Variants in CCDC150 observed in about 807,000 individuals in gnomAD.
CCDC150 encodes coiled-coil domain containing 150.
A neutral mutation model predicts 156.5 loss-of-function variants in CCDC150; 151 were observed. The observed-to-expected ratio is 0.97, with a 90% CI of 0.85 to 1.10. The LOEUF is 1.10. Ranked by LOEUF, CCDC150 falls within the 50% of genes least tolerant of loss-of-function variation. The pLI is 0.00. For missense variants in CCDC150, 1,312 were observed against 1,268.1 expected (o/e 1.03, Z -0.53); for synonymous variants, 452 against 429.4 (o/e 1.05, Z -0.65).
rs369618402 is a variant in CCDC150, at chr2:196,729,814, C to G, written c.2773C>G (p.Gln925Glu). Residue 925 changes from glutamine (Q) to glutamate (E), a missense_variant, in exon 24 of 28, where the codon CAA becomes GAA. By Grantham distance (29) the Gln-to-Glu change is conservative. Transcript: ENST00000389175. ...RMKQIEKELK[Q>E]MELIKDQYQK... ...TTAGCAAATAGAAAAAGAATTGAAG[C>G]AAATGGAGCTAATTAAGGATCAATA... 5.7e-6 allele frequency: 9 copies of G among 1,583,420 alleles called. No homozygotes were observed. Among genetic ancestry groups the G allele is most frequent in the Non-Finnish European group, 6.9e-6 (8 of 1,158,046 alleles).
intron 14 of CCDC150, among the ~76,000 whole-genome samples, chr2:196,696,323 G>A (rs1286118170): frequency 5.9e-5 from 9 of 151,610 alleles, no homozygotes; most frequent in Non-Finnish European, 7.4e-5. Context: ...AGTGCCTATT[G>A]GAATGACAAG....
At chr2:196,717,177 C>G (rs1043586142) in intron 17 of CCDC150, among the ~76,000 whole-genome samples, 1 of 152,028 alleles carries the variant, frequency 6.6e-6, no homozygotes, top group Non-Finnish European at 1.5e-5. Flanking sequence ...GGGTGAGCCA[C>G]CACGCCCAGC....
At chr2:196,695,488 C>T (rs1695761417) in intron 14 of CCDC150, among the ~76,000 whole-genome samples, 1 of 151,996 alleles carries the variant, frequency 6.6e-6, no homozygotes, top group Non-Finnish European at 1.5e-5. Context: ...AGTAATAAGT[C>T]TGATTTCTGA....
intron 21 of CCDC150, among the ~76,000 whole-genome samples, chr2:196,723,802 T>C (rs1309734986): frequency 6.6e-6 from 1 of 152,160 alleles, no homozygotes; most frequent in African/African-American, 2.4e-5. Context: ...ATGGCCAGTT[T>C]CTGTAGATAT....
intron 26 of CCDC150, 123 bp downstream of exon 26, chr2:196,731,068 G>A (rs1016764393): frequency 1.3e-4 from 81 of 635,514 alleles, no homozygotes; most frequent in Non-Finnish European, 2.0e-4. Flanking sequence ...AGGGAAGAAC[G>A]AGTAACTTCC....
At chr2:196,685,808 T>C (rs1043335989) in intron 13 of CCDC150, among the ~76,000 whole-genome samples, 2 of 151,966 alleles carry the variant, frequency 1.3e-5, no homozygotes, top group African/African-American at 4.8e-5. Context: ...AGAGACGAGG[T>C]TTCACCTTGT....
intron 5 of CCDC150, among the ~76,000 whole-genome samples, chr2:196,660,984 T>C (rs1693525563): frequency 6.6e-6 from 1 of 152,220 alleles, no homozygotes; most frequent in Non-Finnish European, 1.5e-5. Flanking sequence ...AGGTATGAGA[T>C]CTGTATCCAG....
intron 1 of CCDC150, among the ~76,000 whole-genome samples, chr2:196,643,988 TG>T (rs956112276): frequency 1.5e-4 from 23 of 152,354 alleles, no homozygotes; most frequent in African/African-American, 5.5e-4. Flanking sequence ...TATCAGACAC[TG>T]GTGATCCTTG....
At chr2:196,639,802 G>C (rs761588853) in intron 1 of CCDC150, 24 bp downstream of exon 1, 21 of 1,573,370 alleles carry the variant, frequency 1.3e-5, no homozygotes, top group African/African-American at 4.1e-5. Context: ...GCCCCGGGCT[G>C]GTGAGGGGTG....
Position 196,729,847 on chromosome 2 carries a change from A to G in CCDC150, c.2806A>G (p.Lys936Glu). ...GCTAATTAAGGATCAATATCAGAAA[A>G]AGAACTATGAACAGGTAGATGATTT... is the stretch of plus-strand genomic sequence containing the variant. ...MELIKDQYQK[K>E]NYEQSLSIQR... Residue 936 changes from lysine to glutamate, a missense_variant, in exon 24 of 28, where the codon AAG (lysine) becomes GAG (glutamate). Coordinates refer to ENST00000389175, the MANE Select transcript of CCDC150 (RefSeq NM_001080539.2). 6.2e-7 allele frequency: 1 copy of G among 1,601,744 alleles called. No homozygotes were observed. The highest frequency in any genetic ancestry group is 1.3e-5 in the African/African-American group (1 of 74,766).
rs534709756 is a variant in CCDC150 at position 196,666,119 on chromosome 2, G to T, written c.762+436G>T. On this transcript the variant is annotated intron_variant, in intron 6 of 27. Coordinates refer to ENST00000389175, the MANE Select transcript of CCDC150 (RefSeq NM_001080539.2). ...TCTAACACTGGAAGCATATCAATAA[G>T]TAAAACAATCAGGACTATATTTACA... 3.3e-5 allele frequency among the ~76,000 whole-genome samples: 5 copies of T among 152,238 alleles called. No individual in the cohort carries two copies. In the South Asian group the frequency reaches 1.0e-3, roughly 32 times the overall value.
intron 21 of CCDC150, among the ~76,000 whole-genome samples, chr2:196,725,144 G>C (rs1698138820): frequency 2.0e-5 from 3 of 152,300 alleles, no homozygotes; most frequent in African/African-American, 7.2e-5. Context: ...GAGATGGTCA[G>C]GAGGAGAGAG....
In CCDC150 at chr2:196,695,139, G is replaced by A; in HGVS notation, c.1603G>A (p.Val535Ile). 6.2e-7 allele frequency: 1 copy of A among 1,603,238 alleles called. No homozygotes were observed. Among genetic ancestry groups the A allele is most frequent in the Non-Finnish European group, 8.5e-7 (1 of 1,170,416 alleles). The stretch of plus-strand genomic sequence containing the variant: ...AATGGCTTCCCTAGAACTTCAGCAA[G>A]TCACTTCTGATTACCATGGGGTGGG... ...DQMASLELQQ[V>I]TSDYHGLAQQ... is the part of the protein sequence containing the mutation. Residue 535 changes from valine (V) to isoleucine (I), a missense_variant, in exon 14 of 28, where the codon GTC becomes ATC. Physicochemically the swap from Val to Ile is conservative, Grantham distance 29. Coordinates refer to ENST00000389175, the MANE Select transcript of CCDC150 (RefSeq NM_001080539.2).
At chr2:196,726,932 T>G (rs1698240775) in intron 22 of CCDC150, 1 of 151,968 alleles carries the variant, frequency 6.6e-6, no homozygotes. Flanking sequence ...GATAGAAGCA[T>G]GAGTTTAGGA....
At chr2:196,667,473 C>T (rs1409678512) in intron 7 of CCDC150, 1 of 153,654 alleles carries the variant, frequency 6.5e-6, no homozygotes, top group African/African-American at 2.4e-5. Flanking sequence ...GCTAGTACTT[C>T]ATTATAAAGC....
At chr2:196,689,866 G>C (rs1005416062) in intron 13 of CCDC150, among the ~76,000 whole-genome samples, 6 of 152,278 alleles carry the variant, frequency 3.9e-5, no homozygotes, top group Admixed American at 1.3e-4. Context: ...CATTCAGTAT[G>C]ATATTGGCTG....
intron 1 of CCDC150, among the ~76,000 whole-genome samples, chr2:196,645,720 A>G (rs1692496394): frequency 6.6e-6 from 1 of 152,190 alleles, no homozygotes; most frequent in Non-Finnish European, 1.5e-5. Context: ...TAGCTGTAGA[A>G]AGGTCTTTGC....
At position 196,688,981 on chromosome 2, in the gene CCDC150, G is replaced by T. The variant is rs1302603929; in HGVS notation, c.1510-6065G>T. Reference sequence around the variant, plus strand: ...TACATATGGCTAGCCAGTTTTCCCAGCACCATTTATTAAATAGGGAATTCT... The same window carrying T: ...TACATATGGCTAGCCAGTTTTCCCATCACCATTTATTAAATAGGGAATTCT... On this transcript the variant is annotated intron_variant, in intron 13 of 27. Coordinates refer to ENST00000389175, the MANE Select transcript of CCDC150 (RefSeq NM_001080539.2). Among the ~76,000 whole-genome samples, 1,114 of 152,186 alleles carry T rather than the reference G, an allele frequency of 7.3e-3. 10 individuals carry two copies. Among genetic ancestry groups the T allele is most frequent in the African/African-American group, 0.025 (1,058 of 41,506 alleles).
chr2:196,643,973 G>A (rs568166286), intron 1 of CCDC150, among the ~76,000 whole-genome samples: 5 of 152,148 alleles, frequency 3.3e-5, no homozygotes, highest in Non-Finnish European at 5.9e-5. Flanking sequence ...TCTTTTCCTT[G>A]TGTTTATCAG....
Sources: allele counts gnomAD v4.1 joint callset (sites outside exome capture counted in the v4.1 genomes callset), GRCh38; gene constraint gnomAD v4.1.1; transcripts MANE v1.5; gene names NCBI Gene and HGNC (gene_info 2026-07-23, HGNC 2026-07-21).